Variants in RNF216 observed in about 807,000 individuals in gnomAD.
RNF216 encodes ring finger protein 216, also known as E3 ubiquitin-protein ligase RNF216.
In RNF216, 72 loss-of-function variants were observed where a neutral mutation model predicts 110.8. That is an observed-to-expected ratio of 0.65 (90% CI 0.54 to 0.79). The LOEUF (loss-of-function observed/expected upper bound fraction) is 0.79, where lower values mean the gene tolerates loss of function less well. Ranked by LOEUF, RNF216 falls within the 30% of genes least tolerant of loss-of-function variation. The pLI is 0.00. For synonymous variants in RNF216, 495 were observed against 407.5 expected (o/e 1.21, Z -2.59); for missense variants, 1,342 against 1,141.2 (o/e 1.18, Z -2.54).
At chr7:5,629,415 A>C (rs1786917581) in intron 15 of RNF216, among the ~76,000 whole-genome samples, 2 of 152,152 alleles carry the variant, frequency 1.3e-5, no homozygotes, top group African/African-American at 4.8e-5. Context: ...GCAGTGAGCT[A>C]TGATTGTGCC....
rs116399433 is a variant in RNF216 at position 5,744,647 on chromosome 7, A to G, written c.202-2832T>C. Among the ~76,000 whole-genome samples, 572 of 152,330 alleles carry G rather than the reference A, an allele frequency of 3.8e-3. 3 individuals are homozygous for G. Among genetic ancestry groups the G allele is most frequent in the African/African-American group, 0.013 (536 of 41,572 alleles). On this transcript the variant is annotated intron_variant, in intron 3 of 16. Transcript: ENST00000389902. Reference sequence around the variant, plus strand: ...GTTCTGAAGACTCTACAAAACAAACAAACAAACAAAAAACAACCCTCGAAG... The same window carrying G: ...GTTCTGAAGACTCTACAAAACAAACGAACAAACAAAAAACAACCCTCGAAG...
At chr7:5,693,547 A>G (rs182606180) in intron 13 of RNF216, among the ~76,000 whole-genome samples, 1 of 152,244 alleles carries the variant, frequency 6.6e-6, no homozygotes, top group Non-Finnish European at 1.5e-5. Flanking sequence ...GGAACTAGCT[A>G]GGAAGAAGCC....
intron 13 of RNF216, chr7:5,662,659 T>C (rs1451098114): frequency 6.6e-6 from 1 of 152,406 alleles, no homozygotes; most frequent in Non-Finnish European, 1.5e-5. Flanking sequence ...GAGCCTTCCA[T>C]CAGTGCCAGA....
chr7:5,660,933 G>A (rs1330876366), intron 13 of RNF216, among the ~76,000 whole-genome samples: 1 of 134,164 alleles, frequency 7.5e-6, no homozygotes, highest in Non-Finnish European at 1.6e-5. Context: ...CCATGCTCCT[G>A]AAGCCTTAGG....
chr7:5,626,737 A>G (rs1786731833), intron 15 of RNF216, among the ~76,000 whole-genome samples: 1 of 152,022 alleles, frequency 6.6e-6, no homozygotes, highest in African/African-American at 2.4e-5. Flanking sequence ...GTGGGCCTAC[A>G]CCTCTTAGCT....
chr7:5,688,696 T>C (rs1312508320), intron 13 of RNF216, among the ~76,000 whole-genome samples: 1 of 152,216 alleles, frequency 6.6e-6, no homozygotes, highest in African/African-American at 2.4e-5. Flanking sequence ...TCTGGAGACT[T>C]CCTTATCCAT....
intron 13 of RNF216, among the ~76,000 whole-genome samples, chr7:5,658,136 G>C (rs796805793): frequency 4.9e-4 from 74 of 152,260 alleles, no homozygotes; most frequent in African/African-American, 1.8e-3. Flanking sequence ...CATCTTCATG[G>C]GATTGACTAC....
rs73339924 is a variant in RNF216 at position 5,678,973 on chromosome 7, T to C, written c.2062-26463A>G. Among the ~76,000 whole-genome samples, 910 of 152,298 alleles carry C rather than the reference T, an allele frequency of 6.0e-3. 10 individuals are homozygous for C. Among genetic ancestry groups the C allele is most frequent in the African/African-American group, 0.02 (850 of 41,560 alleles). On this transcript the variant is annotated intron_variant, in intron 13 of 16. Transcript: ENST00000389902. ...ACACAGGGACTAGAAATGGCCTCAA[T>C]AGAGCAAAGAGGAAATTTATGGGAG...
intron 12 of RNF216, 86 bp from the exon 13 acceptor site, chr7:5,711,925 T>C (rs1189016565): frequency 8.2e-6 from 10 of 1,215,754 alleles, no homozygotes; most frequent in Non-Finnish European, 1.2e-5. Flanking sequence ...CATATGAAGA[T>C]GGAGTTTTGA....
intron 9 of RNF216, among the ~76,000 whole-genome samples, chr7:5,719,228 A>T (rs1793259186): frequency 6.6e-6 from 1 of 152,160 alleles, no homozygotes; most frequent in Non-Finnish European, 1.5e-5. Context: ...AAAAAAAGTT[A>T]GCCAGGTGTG....
chr7:5,729,313 A>C lies in RNF216; in HGVS notation c.1389+119T>G, dbSNP rs565570652. 125 of 913,040 alleles carry C rather than the reference A, an allele frequency of 1.4e-4. No homozygotes were observed. In the South Asian group the frequency reaches 1.4e-3, roughly 10 times the overall value. The allele number at this position is 913,040 out of a possible 1,614,324, so 56.6% of individuals were successfully genotyped here. A position where few individuals can be genotyped will look rare whatever the true frequency, so the allele number is the denominator to read the frequency against. ...ATACCCATCTATTTATCTTCACCCT[A>C]ATAAATTCCTTAGCAATCATAAACC... is the stretch of plus-strand genomic sequence containing the variant. On this transcript the variant is annotated intron_variant, in intron 7 of 16. Transcript: ENST00000389902.
Position 5,647,258 on chromosome 7 carries a change from G to C in RNF216, c.2159+5155C>G, listed in dbSNP as rs544031502. On this transcript the variant is annotated intron_variant, in intron 14 of 16. Transcript: ENST00000389902. Reference sequence around the variant, plus strand: ...CTCCCTTGAGTGTATTTTTTGAGAAGAACTAAAGTTTGGTGAACAATGCAG... The same window carrying C: ...CTCCCTTGAGTGTATTTTTTGAGAACAACTAAAGTTTGGTGAACAATGCAG... Among the ~76,000 whole-genome samples, 14 of 150,532 alleles carry C rather than the reference G, an allele frequency of 9.3e-5. No individual in the cohort carries two copies. In the East Asian group the frequency reaches 2.7e-3, roughly 30 times the overall value.
At chr7:5,725,841 CAAAA>C (rs756914396) in intron 7 of RNF216, among the ~76,000 whole-genome samples, 7 of 77,092 alleles carry the variant, frequency 9.1e-5, no homozygotes, top group Admixed American at 1.4e-4. Flanking sequence ...CCAGCCTGGG[CAAAA>C]AAAAAAAAAA....
At chr7:5,736,760 T>G (rs1165301310) in intron 5 of RNF216, among the ~76,000 whole-genome samples, 2 of 151,294 alleles carry the variant, frequency 1.3e-5, no homozygotes, top group African/African-American at 4.9e-5. Flanking sequence ...GGAGCGCCTC[T>G]GCCAGGCTGC....
At chr7:5,639,507 A>G (rs1410722342) in intron 15 of RNF216, among the ~76,000 whole-genome samples, 4 of 151,808 alleles carry the variant, frequency 2.6e-5, no homozygotes, top group Admixed American at 2.0e-4. Flanking sequence ...ATTGTCACCC[A>G]GGCTGGAGTA....
chr7:5,629,313 C>T (rs1223037306), intron 15 of RNF216, among the ~76,000 whole-genome samples: 2 of 151,052 alleles, frequency 1.3e-5, no homozygotes, highest in Non-Finnish European at 1.5e-5. Context: ...CCCAGCTCTA[C>T]AAAATTTTAA....
intron 1 of RNF216, among the ~76,000 whole-genome samples, chr7:5,765,507 G>A (rs1477478489): frequency 6.6e-6 from 1 of 151,914 alleles, no homozygotes; most frequent in Admixed American, 6.6e-5. Flanking sequence ...GTGCATGCCC[G>A]TAGTCCCAGC....
At chr7:5,650,856 A>C (rs1449009115) in intron 14 of RNF216, among the ~76,000 whole-genome samples, 2 of 152,240 alleles carry the variant, frequency 1.3e-5, no homozygotes, top group Non-Finnish European at 2.9e-5. Context: ...CATCTGTAAG[A>C]GAATAATGGT....
At chr7:5,635,348 C>T (rs1019294093) in intron 15 of RNF216, among the ~76,000 whole-genome samples, 5 of 150,664 alleles carry the variant, frequency 3.3e-5, no homozygotes, top group African/African-American at 9.8e-5. Flanking sequence ...AGAAATAACA[C>T]GCCAAAGCCA....
Sources: gnomAD v4.1 joint callset for allele counts (sites outside exome capture counted in the v4.1 genomes callset) on GRCh38, gnomAD v4.1.1 for gene constraint, MANE v1.5 for transcripts, NCBI Gene and HGNC (gene_info 2026-07-23, HGNC 2026-07-21) for gene names.